Variants in MBNL1 observed in about 807,000 individuals in gnomAD.
MBNL1 encodes the protein muscleblind-like protein 1.
In MBNL1, 8 loss-of-function variants were observed where a neutral mutation model predicts 42.2. That is an observed-to-expected ratio of 0.19 (90% CI 0.11 to 0.34). The LOEUF (loss-of-function observed/expected upper bound fraction) is 0.34, where lower values mean the gene tolerates loss of function less well. Ranked by LOEUF, MBNL1 falls within the 10% of genes least tolerant of loss-of-function variation. The probability of loss-of-function intolerance (pLI) is 1.00; values close to 1 mark genes in which losing one functional copy is unlikely to be tolerated. For missense variants in MBNL1, 309 were observed against 495.3 expected, an observed-to-expected ratio of 0.62 and a Z score of 3.57; for synonymous variants, 169 against 173.9, an observed-to-expected ratio of 0.97 and a Z score of 0.22.
Position 152,340,918 on chromosome 3 carries a change from T to C in MBNL1, c.174+40551T>C, listed in dbSNP as rs370443229. 6.2e-5 allele frequency: 98 copies of C among 1,591,472 alleles called. 1 individual carries two copies. The Middle Eastern group carries it at 3.3e-3, about 54-fold the overall frequency. ...GTCCATCTGCATTGTTCTCTTCTAATTCTCTCCAGACAGGAGACTGCAGCA... is the reference window on the plus strand; with the variant it reads ...GTCCATCTGCATTGTTCTCTTCTAACTCTCTCCAGACAGGAGACTGCAGCA... On this transcript the variant is annotated intron_variant, in intron 2 of 9. Transcript: ENST00000324210.
intron 2 of MBNL1, among the ~76,000 whole-genome samples, chr3:152,345,443 A>G (rs2094084541): frequency 6.6e-6 from 1 of 152,132 alleles, no homozygotes; most frequent in Non-Finnish European, 1.5e-5. Context: ...GTTATAAATA[A>G]AGTGAGTAGT....
At chr3:152,439,556 G>GT (rs1248491040) in intron 4 of MBNL1, among the ~76,000 whole-genome samples, 4 of 152,114 alleles carry the variant, frequency 2.6e-5, no homozygotes, top group Admixed American at 1.3e-4. Flanking sequence ...TATGTAGGTT[G>GT]TTTTTTTATA....
At chr3:152,361,437 G>A (rs2095941562) in intron 2 of MBNL1, among the ~76,000 whole-genome samples, 1 of 150,248 alleles carries the variant, frequency 6.7e-6, no homozygotes, top group Non-Finnish European at 1.5e-5. Flanking sequence ...AGAGACAGAA[G>A]ACATACGAGA....
intron 2 of MBNL1, among the ~76,000 whole-genome samples, chr3:152,304,181 C>T (rs944907127): frequency 6.8e-6 from 1 of 147,192 alleles, no homozygotes; most frequent in Non-Finnish European, 1.5e-5. Flanking sequence ...ACAACTAAAG[C>T]ACTCAAAATC....
At chr3:152,268,433 T>C, upstream of MBNL1, 1 of 277,552 alleles carries the variant, frequency 3.6e-6, no homozygotes, top group East Asian at 1.3e-4. Flanking sequence ...GATCGCAGGA[T>C]TCTAGTCTAA....
At chr3:152,364,995 G>A (rs1375116661) in intron 2 of MBNL1, among the ~76,000 whole-genome samples, 1 of 152,040 alleles carries the variant, frequency 6.6e-6, no homozygotes, top group African/African-American at 2.4e-5. Flanking sequence ...ATCTCACCGA[G>A]TTGTCTTTGA....
At chr3:152,332,149 A>G (rs960058778) in intron 2 of MBNL1, among the ~76,000 whole-genome samples, 1 of 152,356 alleles carries the variant, frequency 6.6e-6, no homozygotes, top group Non-Finnish European at 1.5e-5. Flanking sequence ...ATGTTTATTT[A>G]GATGACTGGA....
chr3:152,352,858 G>C lies in MBNL1; in HGVS notation c.174+52491G>C, dbSNP rs141795877. Among the ~76,000 whole-genome samples the C allele has an allele frequency of 6.5e-3, 991 of 152,298 alleles. 9 individuals carry two copies. Among genetic ancestry groups the C allele is most frequent in the African/African-American group, 0.023 (945 of 41,558 alleles). On this transcript the variant is annotated intron_variant, in intron 2 of 9. Coordinates refer to ENST00000324210, the MANE Select transcript of MBNL1 (RefSeq NM_021038.5). ...CTCACTTAGTGTTGGTTGAATGACT[G>C]CATGCAAGAATAGCTGTTTTAATTT...
chr3:152,248,619 A>T (rs991235787), intron 2 of MBNL1, among the ~76,000 whole-genome samples: 1 of 151,804 alleles, frequency 6.6e-6, no homozygotes, highest in Non-Finnish European at 1.5e-5. Context: ...AAAATTTTTT[A>T]AAAAATTATT....
At chr3:152,281,855 TATC>T (rs1335129382) in intron 1 of MBNL1, among the ~76,000 whole-genome samples, 5 of 152,162 alleles carry the variant, frequency 3.3e-5, no homozygotes, top group African/African-American at 1.2e-4. Context: ...TAGACAAACA[TATC>T]ATTGAAAATT....
At chr3:152,366,975 A>G (rs950702255) in intron 2 of MBNL1, among the ~76,000 whole-genome samples, 3 of 152,178 alleles carry the variant, frequency 2.0e-5, no homozygotes, top group Non-Finnish European at 4.4e-5. Flanking sequence ...AGGATGTATT[A>G]TATATTTACA....
At position 152,317,891 on chromosome 3, in the gene MBNL1, T is replaced by C. The variant is rs552731449; in HGVS notation, c.174+17524T>C. 1.1e-4 allele frequency among the ~76,000 whole-genome samples: 16 copies of C among 152,366 alleles called. No individual in the cohort carries two copies. In the South Asian group the frequency reaches 2.5e-3, roughly 24 times the overall value. On this transcript the variant is annotated intron_variant, in intron 2 of 9. Coordinates refer to ENST00000324210, the MANE Select transcript of MBNL1 (RefSeq NM_021038.5). ...CTTTTAATTGTAGTGGACTTAAATG[T>C]ATACAGATTTTCATGTACAACAAGT...
chr3:152,297,576 G>A (rs921068311), intron 1 of MBNL1, among the ~76,000 whole-genome samples: 2 of 151,848 alleles, frequency 1.3e-5, no homozygotes, highest in South Asian at 2.1e-4. Flanking sequence ...GGTTGGTCTC[G>A]AACACCTGAC....
chr3:152,408,822 G>T (rs2098499487), intron 2 of MBNL1, among the ~76,000 whole-genome samples: 2 of 152,170 alleles, frequency 1.3e-5, no homozygotes, highest in Admixed American at 6.5e-5. Flanking sequence ...CAGAACTGAG[G>T]GTAGGGGTAA....
At chr3:152,359,462 G>A (rs2153101567) in intron 2 of MBNL1, among the ~76,000 whole-genome samples, 1 of 152,288 alleles carries the variant, frequency 6.6e-6, no homozygotes, top group East Asian at 1.9e-4. Context: ...GGGTGGGGAA[G>A]GAGACACTGA....
chr3:152,308,003 A>G (rs2064151072), intron 2 of MBNL1, among the ~76,000 whole-genome samples: 1 of 152,200 alleles, frequency 6.6e-6, no homozygotes. Context: ...TAAATGAATC[A>G]TCTTAGATAA....
upstream of MBNL1, chr3:152,268,916 A>G (rs1394414838): frequency 4.4e-6 from 2 of 455,982 alleles, no homozygotes; most frequent in Non-Finnish European, 8.8e-6. Context: ...GAGGCTGCAC[A>G]GCGACATGCA....
At chr3:152,389,703 T>C (rs1447502154) in intron 2 of MBNL1, among the ~76,000 whole-genome samples, 5 of 152,140 alleles carry the variant, frequency 3.3e-5, no homozygotes, top group African/African-American at 9.7e-5. Context: ...TTATGATGAC[T>C]GGAACTTGCA....
intron 1 of MBNL1, among the ~76,000 whole-genome samples, chr3:152,287,766 A>G (rs1402393570): frequency 1.3e-5 from 2 of 152,220 alleles, no homozygotes; most frequent in Non-Finnish European, 2.9e-5. Context: ...AAAGCTGGTC[A>G]TTACTTTTTA....
Sources: allele counts gnomAD v4.1 joint callset (sites outside exome capture counted in the v4.1 genomes callset), GRCh38; gene constraint gnomAD v4.1.1; transcripts MANE v1.5; gene names NCBI Gene and HGNC (gene_info 2026-07-23, HGNC 2026-07-21).